The following NOCT variants were observed in gnomAD, a reference collection of about 807,000 sequenced individuals.
NOCT encodes nocturnin, also known as CCR4 carbon catabolite repression 4-like.
A neutral mutation model predicts 35.0 loss-of-function variants in NOCT; 18 were observed. That is an observed-to-expected ratio of 0.51 (90% CI 0.36 to 0.76). The LOEUF (loss-of-function observed/expected upper bound fraction) is 0.76. NOCT is among the 30% of genes least tolerant of loss of function. The probability of loss-of-function intolerance (pLI) is 0.01; values close to 1 mark genes in which losing one functional copy is unlikely to be tolerated. For missense variants in NOCT, 479 were observed against 541.0 expected, an observed-to-expected ratio of 0.89 and a Z score of 1.14; for synonymous variants, 235 against 226.3, an observed-to-expected ratio of 1.04 and a Z score of -0.34.
At chr4:139,033,690 AG>A (rs1240356589) in intron 1 of NOCT, among the ~76,000 whole-genome samples, 3 of 150,948 alleles carry the variant, frequency 2.0e-5, no homozygotes, top group African/African-American at 4.9e-5. Flanking sequence ...AAAAAAAAAA[AG>A]GGGGAATGTA....
At chr4:139,039,170 C>CAAAAAAAAAAAAAAAAAAAAAAAAA (rs59445691) in intron 1 of NOCT, among the ~76,000 whole-genome samples, 4 of 91,362 alleles carry the variant, frequency 4.4e-5, no homozygotes, top group African/African-American at 1.3e-4. Flanking sequence ...GACTCCATTT[C>CAAAAAAAAAAAAAAAAAAAAAAAAA]AAAAAAAAAA....
intron 1 of NOCT, among the ~76,000 whole-genome samples, chr4:139,021,262 A>G (rs1402161529): frequency 1.3e-5 from 2 of 151,908 alleles, no homozygotes; most frequent in Non-Finnish European, 1.5e-5. Flanking sequence ...TCAGCCATCC[A>G]AAAGTGCTGA....
At position 139,043,288 on chromosome 4, in the gene NOCT, T is replaced by G; in HGVS notation, c.405T>G (p.Asp135Glu). 1 of 1,614,172 alleles carries G rather than the reference T, an allele frequency of 6.2e-7. No homozygotes were observed. The highest frequency in any genetic ancestry group is 8.5e-7 in the Non-Finnish European group (1 of 1,180,016). The part of the protein sequence containing the change: ...FQRDFVDLRT[D>E]CPSTHPPIRV... ...GGGATTTTGTGGATCTGAGGACAGA[T>G]TGCCCTAGTACCCACCCACCTATCA... The change falls in exon 2 of 3, where the codon GAT becomes GAG. Residue 135 changes from aspartate (D) to glutamate (E), a missense_variant. Physicochemically the swap from Asp to Glu is conservative, Grantham distance 45. Coordinates refer to ENST00000280614, the MANE Select transcript of NOCT (RefSeq NM_012118.4).
In NOCT at chr4:139,015,830, C is replaced by G. The variant is rs906353815; in HGVS notation, c.-152C>G. 4 of 546,640 alleles carry G rather than the reference C, an allele frequency of 7.3e-6. No individual in the cohort carries two copies. Among genetic ancestry groups the G allele is most frequent in the Admixed American group, 9.3e-5 (2 of 21,424 alleles). The allele number at this position is 546,640 out of a possible 1,614,324, so 33.9% of individuals were successfully genotyped here. A position where few individuals can be genotyped will look rare whatever the true frequency, so the allele number is the denominator to read the frequency against. On this transcript the variant is annotated 5_prime_UTR_variant, in exon 1 of 3. Coordinates refer to ENST00000280614, the MANE Select transcript of NOCT (RefSeq NM_012118.4). ...GCACCTCCCTCTCCGGCTCTGCTGC[C>G]CGGGATTTCCCCAGAACCTGCGCCG...
At chr4:139,019,079 G>A (rs377579325) in intron 1 of NOCT, among the ~76,000 whole-genome samples, 1 of 152,042 alleles carries the variant, frequency 6.6e-6, no homozygotes, top group African/African-American at 2.4e-5. Context: ...TTGAGACAAG[G>A]TTCTCTCGCA....
rs1367370947 is a variant in NOCT, at chr4:139,032,497, TA to T, written c.191-10568del. Among the ~76,000 whole-genome samples the T allele has an allele frequency of 4.6e-3, 694 of 151,690 alleles. 5 individuals are homozygous for T. Among genetic ancestry groups the T allele is most frequent in the African/African-American group, 0.016 (669 of 41,302 alleles). On this transcript the variant is annotated intron_variant, in intron 1 of 2. Transcript: ENST00000280614. ...TAGTGAGATCTCGTCTCTACTTTTT[TA>T]AAAAAAAATTTAATAAAAAAATAAA...
chr4:139,035,010 CT>C (rs1162591255), intron 1 of NOCT, among the ~76,000 whole-genome samples: 3 of 152,352 alleles, frequency 2.0e-5, no homozygotes, highest in African/African-American at 7.2e-5. Context: ...TTGTAACTCT[CT>C]TCTGAATGTC....
Position 139,043,078 on chromosome 4 carries a change from T to C in NOCT, c.195T>C (p.Cys65=). Residue 65 remains cysteine (C), a synonymous_variant, in exon 2 of 3, where the codon TGT becomes TGC. Coordinates refer to ENST00000280614, the MANE Select transcript of NOCT (RefSeq NM_012118.4). ...GAARSCSRTV[C]SMGTGTSRLY... ...CTGTGATTTCCTTTTCCGTAGTGTG[T>C]TCCATGGGAACCGGTACAAGCAGAC... The C allele has an allele frequency of 6.3e-7, 1 of 1,594,930 alleles. No individual in the cohort carries two copies. The highest frequency in any genetic ancestry group is 2.3e-5 in the East Asian group (1 of 44,302).
rs374286408 is a variant in NOCT, at chr4:139,043,336, C to T, written c.453C>T (p.Leu151=). 26 of 1,612,900 alleles carry T rather than the reference C, an allele frequency of 1.6e-5. No individual in the cohort carries two copies. The East Asian group carries it at 2.0e-4, about 12-fold the overall frequency. The stretch of plus-strand genomic sequence containing the variant: ...TCAGGGTTATGCAATGGAACATCCT[C>T]GCCCAAGGTATGCTGGATGCTTTTG... The part of the protein sequence containing the change: ...PPIRVMQWNI[L]AQALGEGKDN... Residue 151 remains leucine, a synonymous_variant, in exon 2 of 3, where the codon CTC becomes CTT. Coordinates refer to ENST00000280614, the MANE Select transcript of NOCT (RefSeq NM_012118.4).
chr4:139,037,090 G>A (rs887946747), intron 1 of NOCT, among the ~76,000 whole-genome samples: 1 of 152,192 alleles, frequency 6.6e-6, no homozygotes, highest in African/African-American at 2.4e-5. Context: ...ATGTCATGTT[G>A]TGGTTAAATA....
At chr4:139,044,587 T>C (rs1726898782) in intron 2 of NOCT, 52 bp from the exon 3 acceptor site, 1 of 1,205,770 alleles carries the variant, frequency 8.3e-7, no homozygotes, top group South Asian at 1.4e-5. Flanking sequence ...CCTGGGTACT[T>C]TGAAGTCACG....
intron 1 of NOCT, among the ~76,000 whole-genome samples, chr4:139,023,043 GC>G (rs1726443865): frequency 1.3e-5 from 2 of 151,986 alleles, no homozygotes; most frequent in Admixed American, 1.3e-4. Context: ...GGAGGTTGCA[GC>G]TAGCTGAGAT....
chr4:139,036,001 A>G (rs1179943455), intron 1 of NOCT, among the ~76,000 whole-genome samples: 1 of 152,148 alleles, frequency 6.6e-6, no homozygotes, highest in Non-Finnish European at 1.5e-5. Context: ...AGCATCGCAT[A>G]TCCAATAATA....
intron 1 of NOCT, among the ~76,000 whole-genome samples, chr4:139,033,145 A>G (rs1039395803): frequency 1.1e-4 from 17 of 152,142 alleles, no homozygotes; most frequent in African/African-American, 4.1e-4. Flanking sequence ...TGGGTGGATC[A>G]CTTGAGGTCA....
chr4:139,039,056 G>A (rs74332389), intron 1 of NOCT, among the ~76,000 whole-genome samples: 2 of 151,586 alleles, frequency 1.3e-5, no homozygotes, highest in Admixed American at 1.3e-4. Flanking sequence ...TTCTTAGCTT[G>A]TTGGGTGTGG....
At chr4:139,031,858 G>A (rs575474704) in intron 1 of NOCT, among the ~76,000 whole-genome samples, 5 of 151,942 alleles carry the variant, frequency 3.3e-5, no homozygotes, top group East Asian at 3.9e-4. Flanking sequence ...GAGTACAGGC[G>A]CCCGCCACCA....
At chr4:139,043,541 GAA>G (rs1157629497) in intron 2 of NOCT, 198 bp downstream of exon 2, 1 of 550,420 alleles carries the variant, frequency 1.8e-6, no homozygotes, top group African/African-American at 1.9e-5. Context: ...TTTTTAGAAA[GAA>G]AAAAGACACT....
rs934163811 is a variant in NOCT at position 139,015,793 on chromosome 4, C to T, written c.-189C>T. The T allele has an allele frequency of 7.7e-6, 3 of 388,788 alleles. No individual in the cohort carries two copies. The highest frequency in any genetic ancestry group is 2.1e-5 in the African/African-American group (1 of 47,348). 24.1% of individuals were successfully genotyped at this position (388,788 alleles called of 1,614,324 possible). A position where few individuals can be genotyped will look rare whatever the true frequency, so the allele number is the denominator to read the frequency against. On this transcript the variant is annotated 5_prime_UTR_variant, in exon 1 of 3. The change creates a new upstream start codon in the 5' untranslated region. Coordinates refer to ENST00000280614, the MANE Select transcript of NOCT (RefSeq NM_012118.4). The stretch of plus-strand genomic sequence containing the variant: ...CAGGTCTCACAGCAGACGGTGCCGA[C>T]GCAGCGGTGTTGCACCTCCCTCTCC...
At chr4:139,024,096 T>C (rs1292881360) in intron 1 of NOCT, among the ~76,000 whole-genome samples, 1 of 151,100 alleles carries the variant, frequency 6.6e-6, no homozygotes, top group African/African-American at 2.4e-5. Flanking sequence ...GTCTCCACTT[T>C]GTCACCCAGG....
Sources: allele counts gnomAD v4.1 joint callset (sites outside exome capture counted in the v4.1 genomes callset), GRCh38; gene constraint gnomAD v4.1.1; transcripts MANE v1.5; gene names NCBI Gene and HGNC (gene_info 2026-07-23, HGNC 2026-07-21).